Variants in ARHGAP22 observed in about 807,000 individuals in gnomAD.
The protein encoded by ARHGAP22 is rho GTPase-activating protein 22.
ARHGAP22 carries 48 observed loss-of-function variants against 59.1 expected under a neutral mutation model. That is an observed-to-expected ratio of 0.81 (90% CI 0.64 to 1.03). The LOEUF (loss-of-function observed/expected upper bound fraction) is 1.03, where lower values mean the gene tolerates loss of function less well. ARHGAP22 is among the 50% of genes least tolerant of loss of function. ARHGAP22 has a pLI of 0.00. For missense variants in ARHGAP22, 1,015 were observed against 958.7 expected (o/e 1.06, Z -0.78); for synonymous variants, 445 against 416.4 (o/e 1.07, Z -0.84).
At chr10:48,633,862 GGA>G (rs1264117930) in intron 1 of ARHGAP22, among the ~76,000 whole-genome samples, 2 of 152,162 alleles carry the variant, frequency 1.3e-5, no homozygotes, top group Non-Finnish European at 2.9e-5. Context: ...ATGGGAGGAG[GGA>G]GAGCCTTTCC....
chr10:48,537,782 C>T (rs1263366179), intron 3 of ARHGAP22, among the ~76,000 whole-genome samples: 1 of 152,180 alleles, frequency 6.6e-6, no homozygotes, highest in African/African-American at 2.4e-5. Flanking sequence ...GGCAGTGCCT[C>T]GGGCCAAGTA....
chr10:48,474,902 C>T (rs1362541964), intron 4 of ARHGAP22, among the ~76,000 whole-genome samples: 1 of 152,042 alleles, frequency 6.6e-6, no homozygotes, highest in Non-Finnish European at 1.5e-5. Flanking sequence ...ACTGGTGTTC[C>T]AGCAATAATT....
At chr10:48,531,658 CCGAAG>C (rs2054857306) in intron 3 of ARHGAP22, among the ~76,000 whole-genome samples, 2 of 3,996 alleles carry the variant, frequency 5.0e-4, no homozygotes, top group Non-Finnish European at 1.6e-3. Context: ...GAGGAGGGCA[CCGAAG>C]TACAGAGAAG....
intron 3 of ARHGAP22, among the ~76,000 whole-genome samples, chr10:48,517,673 C>T (rs2053421647): frequency 6.6e-6 from 1 of 152,110 alleles, no homozygotes. Context: ...TTGACCCCGG[C>T]TATGTGCTGT....
chr10:48,644,101 C>T (rs1480645408), intron 1 of ARHGAP22, among the ~76,000 whole-genome samples: 5 of 152,072 alleles, frequency 3.3e-5, no homozygotes, highest in Admixed American at 6.5e-5. Context: ...GAGCCGAGAT[C>T]GTGCCATTGC....
intron 4 of ARHGAP22, among the ~76,000 whole-genome samples, chr10:48,468,927 G>A (rs1214565398): frequency 6.6e-6 from 1 of 152,162 alleles, no homozygotes; most frequent in East Asian, 1.9e-4. Context: ...AGGAATGTCT[G>A]CCCTCCACCT....
intron 1 of ARHGAP22, among the ~76,000 whole-genome samples, chr10:48,618,036 A>T (rs2061149561): frequency 6.6e-6 from 1 of 152,042 alleles, no homozygotes. Context: ...ACAAATGATC[A>T]TTAGAGATTA....
chr10:48,435,905 A>G, the ARHGAP22 span: 5 of 152,238 alleles, frequency 3.3e-5, no homozygotes, highest in African/African-American at 1.2e-4. Context: ...TTTTGTATAC[A>G]CTGAGTTAAT....
intron 3 of ARHGAP22, among the ~76,000 whole-genome samples, chr10:48,501,331 A>G (rs1431132656): frequency 6.6e-6 from 1 of 152,244 alleles, no homozygotes; most frequent in African/African-American, 2.4e-5. Context: ...ACAAATGAAA[A>G]TGAGGTTTAA....
rs777569383 is a variant in ARHGAP22, at chr10:48,558,354, T to TTTTTG, written c.235-2809_235-2805dup. Among the ~76,000 whole-genome samples the TTTTTG allele has an allele frequency of 7.4e-3, 1,109 of 150,782 alleles. 6 individuals carry two copies. Among genetic ancestry groups the TTTTTG allele is most frequent in the African/African-American group, 0.014 (590 of 41,038 alleles). ...TGCGATTTAATGTTTTTTTTTTGTT[T>TTTTTG]TTTTGTTTTGTTTTGTTTTGTTTTG... On this transcript the variant is annotated intron_variant, in intron 2 of 9. Transcript: ENST00000249601.
In ARHGAP22 at chr10:48,611,235, G is replaced by A. The variant is rs548790581; in HGVS notation, c.53-28083C>T. On this transcript the variant is annotated intron_variant, in intron 1 of 9. Transcript: ENST00000435790. ...GGGTTCTCACAGGGTACCTTGGAAA[G>A]CAGCTTCGGAGGGACCCTAGCTTAC... 5.3e-5 allele frequency among the ~76,000 whole-genome samples: 8 copies of A among 152,332 alleles called. No homozygotes were observed. The South Asian group carries it at 1.7e-3, about 32-fold the overall frequency.
intron 2 of ARHGAP22, among the ~76,000 whole-genome samples, chr10:48,565,122 G>C (rs1435835219): frequency 6.6e-6 from 1 of 151,898 alleles, no homozygotes; most frequent in East Asian, 2.0e-4. Context: ...GACTGTCATG[G>C]AAACCTCACA....
chr10:48,638,090 C>T (rs1472394814), intron 1 of ARHGAP22, among the ~76,000 whole-genome samples: 2 of 152,166 alleles, frequency 1.3e-5, no homozygotes, highest in African/African-American at 4.8e-5. Flanking sequence ...AGAGCCATTC[C>T]CTTAGAATCT....
At chr10:48,518,091 G>A (rs1166352450) in intron 3 of ARHGAP22, among the ~76,000 whole-genome samples, 1 of 152,172 alleles carries the variant, frequency 6.6e-6, no homozygotes, top group African/African-American at 2.4e-5. Flanking sequence ...GCAGGACACC[G>A]AGTGGAGAAG....
chr10:48,502,195 G>T (rs2051595198), intron 3 of ARHGAP22, among the ~76,000 whole-genome samples: 1 of 152,178 alleles, frequency 6.6e-6, no homozygotes, highest in Non-Finnish European at 1.5e-5. Flanking sequence ...CTTAAAACCA[G>T]CCTCTCCCTA....
chr10:48,555,583 A>T, intron 2 of ARHGAP22, 33 bp from the exon 3 acceptor site: 9 of 1,599,798 alleles, frequency 5.6e-6, no homozygotes, highest in Non-Finnish European at 7.7e-6. Flanking sequence ...CACAGGGAGC[A>T]TGAGATGATG....
intron 1 of ARHGAP22, among the ~76,000 whole-genome samples, chr10:48,651,284 G>A (rs962209434): frequency 6.6e-6 from 1 of 152,068 alleles, no homozygotes; most frequent in Non-Finnish European, 1.5e-5. Context: ...TCCTGGAGGG[G>A]CTCAGGCAAC....
At chr10:48,464,325 C>T (rs549819379) in intron 4 of ARHGAP22, among the ~76,000 whole-genome samples, 1 of 152,218 alleles carries the variant, frequency 6.6e-6, no homozygotes, top group Non-Finnish European at 1.5e-5. Flanking sequence ...ATCCAAGCAG[C>T]TCCCAGCCCC....
At chr10:48,492,461 A>G (rs1331680051) in intron 3 of ARHGAP22, among the ~76,000 whole-genome samples, 1 of 152,218 alleles carries the variant, frequency 6.6e-6, no homozygotes, top group African/African-American at 2.4e-5. Context: ...ATATAATGTG[A>G]GCTACATGTG....
Sources: gnomAD v4.1 joint callset for allele counts (sites outside exome capture counted in the v4.1 genomes callset) on GRCh38, gnomAD v4.1.1 for gene constraint, MANE v1.5 for transcripts, NCBI Gene and HGNC (gene_info 2026-07-23, HGNC 2026-07-21) for gene names.